IKBKE: variants seen among roughly 807,000 people sequenced by gnomAD.
The protein encoded by IKBKE is inhibitor of nuclear factor kappa B kinase subunit epsilon.
Under a neutral mutation model 92.1 loss-of-function variants are expected in IKBKE, and 45 were observed. That is an observed-to-expected ratio of 0.49 (90% CI 0.38 to 0.63). The LOEUF (loss-of-function observed/expected upper bound fraction) is 0.63. Among genes scored for constraint, IKBKE ranks in the 20% least tolerant of loss-of-function variants. The pLI, the probability that IKBKE is intolerant of heterozygous loss-of-function variation, is 0.00. For synonymous variants in IKBKE, 374 were observed against 380.3 expected, an observed-to-expected ratio of 0.98 and a Z score of 0.19; for missense variants, 700 against 932.8, an observed-to-expected ratio of 0.75 and a Z score of 3.25.
At chr1:206,489,359 GTGTGTGTGTGTATATA>G (rs1475877152) in intron 16 of IKBKE, among the ~76,000 whole-genome samples, 7 of 26,858 alleles carry the variant, frequency 2.6e-4, no homozygotes, top group Admixed American at 1.3e-3. Context: ...GTGTGTGTGT[GTGTGTGTGTGTATATA>G]TATATATATA....
chr1:206,483,916 CT>C (rs1162187047), intron 13 of IKBKE, among the ~76,000 whole-genome samples: 1 of 151,992 alleles, frequency 6.6e-6, no homozygotes, highest in East Asian at 1.9e-4. Flanking sequence ...TTCCTGTAAA[CT>C]GGGAAGTTTT....
In IKBKE at chr1:206,491,715, C is replaced by T; in HGVS notation, c.1801C>T (p.Gln601Ter). ...CCAGGAGGAGTGCGTGCAGAAGTAT[C>T]AAGCGTCCTTAGTCACACACGGCAA... ...VFQEECVQKY[Q>*]ASLVTHGKRM... Residue 601 changes from glutamine (Q) to a stop codon, truncating the protein, a stop_gained, in exon 18 of 22, where the codon CAA becomes TAA. Transcript: ENST00000581977. LOFTEE classifies it high-confidence loss of function. 1 of 1,613,524 alleles carries T rather than the reference C, an allele frequency of 6.2e-7. No homozygotes were observed. Among genetic ancestry groups the T allele is most frequent in the Non-Finnish European group, 8.5e-7 (1 of 1,179,652 alleles).
At chr1:206,491,050 G>A (rs575845918) in intron 17 of IKBKE, 192 bp downstream of exon 17, 6 of 628,932 alleles carry the variant, frequency 9.5e-6, no homozygotes, top group African/African-American at 1.8e-5. Context: ...AGACTTCTCA[G>A]ATGCAATCTT....
chr1:206,489,392 T>G (rs564519124), intron 16 of IKBKE, among the ~76,000 whole-genome samples: 1 of 138,624 alleles, frequency 7.2e-6, no homozygotes, highest in Non-Finnish European at 1.6e-5. Context: ...TATATATATA[T>G]ATATATATAC....
rs1553391219 is a variant in IKBKE, at chr1:206,493,352, C to G, written c.2019C>G (p.Ser673Arg). The change falls in exon 20 of 22, where the codon AGC (serine) becomes AGG (arginine). Residue 673 changes from serine to arginine, a missense_variant. Transcript: ENST00000581977. The stretch of plus-strand genomic sequence containing the variant: ...CGCCTCCCATAGCTCCTTACCCCAG[C>G]CCTACACGAAAGGACCTGCTTCTCC... ...ASPPPIAPYP[S>R]PTRKDLLLHM... 6.2e-6 allele frequency: 10 copies of G among 1,613,926 alleles called. No homozygotes were observed. The highest frequency in any genetic ancestry group is 8.5e-6 in the Non-Finnish European group (10 of 1,179,860).
chr1:206,495,024 C>A (rs1335143297), intron 21 of IKBKE, among the ~76,000 whole-genome samples: 2 of 148,938 alleles, frequency 1.3e-5, no homozygotes, highest in African/African-American at 4.9e-5. Flanking sequence ...CATCTAGTAA[C>A]CCTACTTTAT....
At position 206,479,217 on chromosome 1, in the gene IKBKE, C is replaced by A. The variant is rs782612135; in HGVS notation, c.1183+84C>A. 162 of 1,189,550 alleles carry A rather than the reference C, an allele frequency of 1.4e-4. 1 individual carries two copies. The highest frequency in any genetic ancestry group is 5.1e-4 in the Admixed American group (19 of 37,338). The allele number at this position is 1,189,550 out of a possible 1,614,324, so 73.7% of individuals were successfully genotyped here. On this transcript the variant is annotated intron_variant, in intron 10 of 21. Transcript: ENST00000581977. ...AGTTTGCAATCCAGGCCATTGGTTACTTTTCTTTGTGGGTGTTTCTTTGGG... is the reference window on the plus strand; with the variant it reads ...AGTTTGCAATCCAGGCCATTGGTTAATTTTCTTTGTGGGTGTTTCTTTGGG...
At position 206,491,669 on chromosome 1, in the gene IKBKE, C is replaced by G; in HGVS notation, c.1755C>G (p.Ala585=). The G allele has an allele frequency of 6.2e-7, 1 of 1,613,076 alleles. No individual in the cohort carries two copies. The highest frequency in any genetic ancestry group is 8.5e-7 in the Non-Finnish European group (1 of 1,179,288). The stretch of plus-strand genomic sequence containing the variant: ...CTAGGGTGAATTTCAGTCATTTAGC[C>G]AAAAGACTCCTGCAGGTGTTCCAGG... ...KLDKVNFSHL[A]KRLLQVFQEE... is the part of the protein sequence containing the mutation. Residue 585 remains alanine, a synonymous_variant, in exon 18 of 22, where the codon GCC becomes GCG. Coordinates refer to ENST00000581977, the MANE Select transcript of IKBKE (RefSeq NM_014002.4).
intron 1 of IKBKE, among the ~76,000 whole-genome samples, 163 bp from the exon 2 acceptor site, chr1:206,470,993 C>T (rs899177629): frequency 6.6e-6 from 1 of 152,208 alleles, no homozygotes. Context: ...GAAAGGCTCC[C>T]TGAACAGTTT....
At chr1:206,472,861 G>A (rs1304579915) in intron 2 of IKBKE, 1 of 305,534 alleles carries the variant, frequency 3.3e-6, no homozygotes, top group Non-Finnish European at 6.1e-6. Context: ...TTCAGTGCTG[G>A]GGAGAGGTGG....
chr1:206,481,659 C>T lies in IKBKE; in HGVS notation c.1427+1126C>T, dbSNP rs1000692124. 1.3e-4 allele frequency among the ~76,000 whole-genome samples: 20 copies of T among 151,502 alleles called. No homozygotes were observed. The East Asian group carries it at 1.4e-3, about 10-fold the overall frequency. ...CATTCAGAGAGGCCCATGCTTCCTC[C>T]GGAGCAGCTAGCCCTTCCTGGACAT... On this transcript the variant is annotated intron_variant, in intron 13 of 21. Transcript: ENST00000581977.
intron 13 of IKBKE, among the ~76,000 whole-genome samples, chr1:206,483,323 C>T (rs1333149271): frequency 6.6e-6 from 1 of 152,262 alleles, no homozygotes; most frequent in Non-Finnish European, 1.5e-5. Context: ...ACCCATGTCT[C>T]CTGACTCCCT....
rs368487957 is a variant in IKBKE at position 206,474,414 on chromosome 1, G to A, written c.171G>A (p.Glu57=). Residue 57 remains glutamate (E), a synonymous_variant, in exon 4 of 22, where the codon GAG becomes GAA. Coordinates refer to ENST00000581977, the MANE Select transcript of IKBKE (RefSeq NM_014002.4). ...RPREVQVREF[E]VLRKLNHQNI... is the part of the protein sequence containing the mutation. ...GCGAGGTGCAGGTGAGGGAGTTTGAGGTCCTGCGGAAGCTGAACCACCAGA... is the reference window on the plus strand; with the variant it reads ...GCGAGGTGCAGGTGAGGGAGTTTGAAGTCCTGCGGAAGCTGAACCACCAGA... 5.0e-6 allele frequency: 8 copies of A among 1,614,160 alleles called. No individual in the cohort carries two copies. In the African/African-American group the frequency reaches 8.0e-5, roughly 16 times the overall value.
In IKBKE at chr1:206,493,933, T is replaced by C. The variant is rs782013955; in HGVS notation, c.2059T>C (p.Cys687Arg). 1.2e-6 allele frequency: 2 copies of C among 1,614,086 alleles called. No homozygotes were observed. Among genetic ancestry groups the C allele is most frequent in the Non-Finnish European group, 1.7e-6 (2 of 1,179,954 alleles). Reference protein sequence around the residue: ...KDLLLHMQELCEGMKLLASDL... With the variant: ...KDLLLHMQELREGMKLLASDL... ...TGCCTTGGGCAGCATGCAAGAGCTC[T>C]GCGAGGGGATGAAGCTGCTGGCATC... is the stretch of plus-strand genomic sequence containing the variant. The change falls in exon 21 of 22, where the codon TGC becomes CGC. Residue 687 changes from cysteine (C) to arginine (R), a missense_variant. Physicochemically the swap from Cys to Arg is radical, Grantham distance 180 (BLOSUM62 -3). Transcript: ENST00000581977.
At position 206,485,324 on chromosome 1, in the gene IKBKE, T is replaced by A; in HGVS notation, c.1616+18T>A. 6.6e-7 allele frequency: 1 copy of A among 1,513,096 alleles called. No homozygotes were observed. The highest frequency in any genetic ancestry group is 9.2e-7 in the Non-Finnish European group (1 of 1,088,152). The allele number at this position is 1,513,096 out of a possible 1,614,324, so 93.7% of individuals were successfully genotyped here. ...GACAGAAGGTCTGTGGGATTTTCCT[T>A]CTTTGTGGGGTGGGAGTGGGGGAGT... On this transcript the variant is annotated intron_variant, in intron 15 of 21. Transcript: ENST00000581977. The surrounding 1 kb of genome is among the most constrained non-coding windows in gnomAD (Gnocchi z 5.0).
At position 206,496,756 on chromosome 1, in the gene IKBKE, T is replaced by TG. The variant is rs1159741267; in HGVS notation, c.*615dup. 4.3e-6 allele frequency: 1 copy of TG among 232,726 alleles called. No homozygotes were observed. The highest frequency in any genetic ancestry group is 2.2e-5 in the African/African-American group (1 of 45,302). 14.4% of individuals were successfully genotyped at this position (232,726 alleles called of 1,614,324 possible). ...GTGGCCAAGGCCAGTGCCAGTGTCT[T>TG]GGGGCCCCTTTGGCTCTCCCTCACT... On this transcript the variant is annotated 3_prime_UTR_variant, in exon 22 of 22. Coordinates refer to ENST00000581977, the MANE Select transcript of IKBKE (RefSeq NM_014002.4).
rs1553392033 is a variant in IKBKE, at chr1:206,496,147, C to T, written c.*2C>T. ...GTCCCAGCACCTCCTGATGTCTGAG[C>T]TCCATGGGGCACATGAGGCATCCTG... On this transcript the variant is annotated 3_prime_UTR_variant, in exon 22 of 22. Coordinates refer to ENST00000581977, the MANE Select transcript of IKBKE (RefSeq NM_014002.4). 2 of 1,611,816 alleles carry T rather than the reference C, an allele frequency of 1.2e-6. No individual in the cohort carries two copies. The highest frequency in any genetic ancestry group is 2.2e-5 in the South Asian group (2 of 91,064).
chr1:206,492,662 C>G lies in IKBKE; in HGVS notation c.1836-361C>G, dbSNP rs530375438. 2.4e-5 allele frequency: 12 copies of G among 497,256 alleles called. No individual in the cohort carries two copies. In the East Asian group the frequency reaches 6.4e-4, roughly 27 times the overall value. The allele number at this position is 497,256 out of a possible 1,614,324, so 30.8% of individuals were successfully genotyped here. ...AGAGAATTCACACTGGAAATGAGAG[C>G]GTGGGCAGTTCCCCACACTGAGAGC... On this transcript the variant is annotated intron_variant, in intron 18 of 21. Transcript: ENST00000581977.
rs782526732 is a variant in IKBKE at position 206,474,421 on chromosome 1, C to A, written c.178C>A (p.Arg60=). Reference sequence around the variant, plus strand: ...GCAGGTGAGGGAGTTTGAGGTCCTGCGGAAGCTGAACCACCAGAACATTGT... The same window carrying A: ...GCAGGTGAGGGAGTTTGAGGTCCTGAGGAAGCTGAACCACCAGAACATTGT... ...EVQVREFEVL[R]KLNHQNIVKL... The change falls in exon 4 of 22, where the codon CGG becomes AGG. Residue 60 remains arginine, a synonymous_variant. Transcript: ENST00000581977. The A allele has an allele frequency of 1.9e-6, 3 of 1,613,950 alleles. No homozygotes were observed. The highest frequency in any genetic ancestry group is 2.5e-6 in the Non-Finnish European group (3 of 1,179,940).
Sources: allele counts gnomAD v4.1 joint callset (sites outside exome capture counted in the v4.1 genomes callset), GRCh38; gene constraint gnomAD v4.1.1; non-coding constraint Gnocchi (gnomAD v3.1); transcripts MANE v1.5; gene names NCBI Gene and HGNC (gene_info 2026-07-23, HGNC 2026-07-21).